Variants in ANK3 observed in about 807,000 individuals in gnomAD.
ANK3 encodes ankyrin 3.
A neutral mutation model predicts 370.9 loss-of-function variants in ANK3; 57 were observed. The observed-to-expected ratio is 0.15, with a 90% confidence interval of 0.12 to 0.19. ANK3 has a LOEUF of 0.19. Ranked by LOEUF, ANK3 falls within the 10% of genes least tolerant of loss-of-function variation. ANK3 has a pLI of 1.00. For synonymous variants in ANK3, 1,929 were observed against 1,946.3 expected (o/e 0.99, Z 0.23); for missense variants, 4,439 against 5,302.1 (o/e 0.84, Z 5.06).
intron 1 of ANK3, among the ~76,000 whole-genome samples, chr10:60,363,854 C>T (rs1220879671): frequency 6.6e-6 from 1 of 151,918 alleles, no homozygotes. Context: ...TTTCTAAATC[C>T]CTTTTCTTAT....
intron 23 of ANK3, chr10:60,139,691 T>C (rs1162077205): frequency 6.5e-6 from 1 of 153,022 alleles, no homozygotes; most frequent in Non-Finnish European, 1.5e-5. Flanking sequence ...ACTGTCCCAA[T>C]GCTTGAAATC....
chr10:60,190,947 T>C (rs1158859096), intron 16 of ANK3, among the ~76,000 whole-genome samples: 1 of 152,160 alleles, frequency 6.6e-6, no homozygotes, highest in Admixed American at 6.5e-5. Context: ...TCCAGCCAAC[T>C]AATCTTTGAC....
At chr10:60,439,439 C>T (rs1315442539) in intron 2 of ANK3, among the ~76,000 whole-genome samples, 4 of 152,060 alleles carry the variant, frequency 2.6e-5, no homozygotes, top group Non-Finnish European at 4.4e-5. Context: ...AGGAGGATCG[C>T]TTGAGGCCAG....
intron 1 of ANK3, among the ~76,000 whole-genome samples, chr10:60,733,008 G>A (rs1381197993): frequency 6.6e-6 from 1 of 151,130 alleles, no homozygotes; most frequent in African/African-American, 2.4e-5. Context: ...TCTCTCCTGG[G>A]GATGCTCCAG....
chr10:60,447,438 TTTTGTTTG>T lies in ANK3; in HGVS notation c.96+167740_96+167747del, dbSNP rs545420935. ...CTTACTTATTGAAGGACACTAAAGT[TTTTGTTTG>T]TTTGTTTGTTTTCTGGTTAAAAGGA... On this transcript the variant is annotated intron_variant, in intron 2 of 43. Coordinates refer to the ANK3 transcript ENST00000373827. 3.9e-5 allele frequency among the ~76,000 whole-genome samples: 6 copies of T among 152,228 alleles called. No individual in the cohort carries two copies. The East Asian group carries it at 1.2e-3, about 29-fold the overall frequency.
intron 25 of ANK3, among the ~76,000 whole-genome samples, chr10:60,124,825 A>G (rs1379713623): frequency 3.3e-5 from 5 of 152,220 alleles, no homozygotes; most frequent in Non-Finnish European, 5.9e-5. Context: ...ATTTAACTGG[A>G]CAAGCTAAAC....
intron 2 of ANK3, among the ~76,000 whole-genome samples, chr10:60,607,126 C>T (rs1419869301): frequency 6.6e-6 from 1 of 152,132 alleles, no homozygotes; most frequent in Non-Finnish European, 1.5e-5. Flanking sequence ...TATATGCACT[C>T]ATTGAACACA....
intron 2 of ANK3, among the ~76,000 whole-genome samples, chr10:60,549,923 A>G (rs1595258016): frequency 1.3e-5 from 2 of 152,282 alleles, no homozygotes; most frequent in East Asian, 3.9e-4. Flanking sequence ...TTGTTTGCCC[A>G]GGTACCTAGA....
At chr10:60,560,626 C>T (rs1194709248) in intron 2 of ANK3, among the ~76,000 whole-genome samples, 2 of 152,126 alleles carry the variant, frequency 1.3e-5, no homozygotes, top group Non-Finnish European at 2.9e-5. Flanking sequence ...TGTCTGAAAC[C>T]AAGCTGTTTC....
intron 8 of ANK3, 108 bp from the exon 9 acceptor site, chr10:60,213,618 G>T: frequency 1.8e-6 from 1 of 548,332 alleles, no homozygotes; most frequent in African/African-American, 1.9e-5. Context: ...GGTCAAGCGG[G>T]CTTCAAACAT....
intron 2 of ANK3, among the ~76,000 whole-genome samples, chr10:60,491,624 C>A (rs1455502909): frequency 2.6e-5 from 4 of 152,196 alleles, no homozygotes; most frequent in Non-Finnish European, 5.9e-5. Context: ...GGAACTTAGA[C>A]ATGAAACACA....
chr10:60,672,557 C>T (rs114975781), intron 1 of ANK3, among the ~76,000 whole-genome samples: 1 of 152,312 alleles, frequency 6.6e-6, no homozygotes, highest in South Asian at 2.1e-4. Flanking sequence ...TCTATGAAGA[C>T]AGAAGCTCCA....
chr10:60,658,864 G>A (rs972656277), intron 1 of ANK3, among the ~76,000 whole-genome samples: 2 of 150,850 alleles, frequency 1.3e-5, no homozygotes, highest in South Asian at 2.1e-4. Flanking sequence ...GAGGAGAGGT[G>A]AAGAGGTGAG....
intron 1 of ANK3, among the ~76,000 whole-genome samples, chr10:60,644,600 A>G (rs893923894): frequency 1.3e-5 from 2 of 152,094 alleles, no homozygotes; most frequent in African/African-American, 4.8e-5. Flanking sequence ...GGATTCTTAA[A>G]ATTGCAGCTT....
intron 7 of ANK3, among the ~76,000 whole-genome samples, chr10:60,240,455 C>T (rs2097436473): frequency 6.6e-6 from 1 of 151,636 alleles, no homozygotes; most frequent in Non-Finnish European, 1.5e-5. Context: ...CAGGCATGTG[C>T]CACCACACCC....
chr10:60,276,555 G>A (rs72822205), intron 4 of ANK3, among the ~76,000 whole-genome samples: 2,948 of 152,310 alleles, frequency 0.019, 37 homozygotes, highest in South Asian at 0.035. Context: ...GTAATTCCGA[G>A]CACAACTGTA....
chr10:60,205,779 T>C lies in ANK3; in HGVS notation c.1293+13A>G. On this transcript the variant is annotated intron_variant, in intron 11 of 43. Coordinates refer to ENST00000280772, the MANE Select transcript of ANK3 (RefSeq NM_020987.5). ...AGTATCTCAGGACTCCCAGAAATCTTAACTCTTCTCACCTCGGTTACAGCT... is the reference window on the plus strand; with the variant it reads ...AGTATCTCAGGACTCCCAGAAATCTCAACTCTTCTCACCTCGGTTACAGCT... The C allele has an allele frequency of 6.3e-7, 1 of 1,599,838 alleles. No individual in the cohort carries two copies.
At position 60,131,927 on chromosome 10, in the gene ANK3, T is replaced by C. The variant is rs143377777; in HGVS notation, c.2841+2344A>G. ...TGATCAGAAATTCCCTGGCACATGC[T>C]TTCTACATTAGCAAAGTGTCATTGA... On this transcript the variant is annotated intron_variant, in intron 25 of 43. Transcript: ENST00000280772. Among the ~76,000 whole-genome samples, 585 of 152,322 alleles carry C rather than the reference T, an allele frequency of 3.8e-3. 8 individuals are homozygous for C. The highest frequency in any genetic ancestry group is 0.036 in the Admixed American group (557 of 15,298).
intron 23 of ANK3, among the ~76,000 whole-genome samples, chr10:60,143,077 A>G (rs1047221461): frequency 1.3e-5 from 2 of 152,220 alleles, no homozygotes; most frequent in Non-Finnish European, 2.9e-5. Context: ...AATTTTTTCC[A>G]ATGCCCAAAT....
Sources: gnomAD v4.1 joint callset for allele counts (sites outside exome capture counted in the v4.1 genomes callset) on GRCh38, gnomAD v4.1.1 for gene constraint, MANE v1.5 for transcripts, NCBI Gene and HGNC (gene_info 2026-07-23, HGNC 2026-07-21) for gene names.